The following RTN4 variants were observed in gnomAD, a reference collection of about 807,000 sequenced individuals.
RTN4 encodes the protein reticulon 4, also known as reticulon-4.
A neutral mutation model predicts 90.4 loss-of-function variants in RTN4; 32 were observed. The ratio of observed to expected loss-of-function variants is 0.35; its 90% CI spans 0.27 to 0.48. The LOEUF (loss-of-function observed/expected upper bound fraction) is 0.48, where lower values mean the gene tolerates loss of function less well. Ranked by LOEUF, RTN4 falls within the 20% of genes least tolerant of loss-of-function variation. The pLI is 0.99. For synonymous variants in RTN4, 629 were observed against 552.5 expected (o/e 1.14, Z -1.94); for missense variants, 1,706 against 1,430.2 (o/e 1.19, Z -3.11).
At chr2:55,043,867 C>A (rs986778196) in intron 1 of RTN4, among the ~76,000 whole-genome samples, 1 of 151,120 alleles carries the variant, frequency 6.6e-6, no homozygotes, top group African/African-American at 2.4e-5. Context: ...GCCTGGGCTA[C>A]AGAGCAAGAC....
At position 55,037,823 on chromosome 2, in the gene RTN4, A is replaced by C. The variant is rs187798930; in HGVS notation, c.557-9603T>G. On this transcript the variant is annotated intron_variant, in intron 1 of 8. Coordinates refer to ENST00000337526, the MANE Select transcript of RTN4 (RefSeq NM_020532.5). ...TTCTGAAATTTATGCAGAAATACTA[A>C]GGGACCTAGAAGACACAAAACAATT... is the stretch of plus-strand genomic sequence containing the variant. Among the ~76,000 whole-genome samples, 1,437 of 152,336 alleles carry C rather than the reference A, an allele frequency of 9.4e-3. 16 individuals are homozygous for C. Among genetic ancestry groups the C allele is most frequent in the African/African-American group, 0.032 (1,348 of 41,560 alleles).
intron 1 of RTN4, among the ~76,000 whole-genome samples, chr2:55,038,055 C>G (rs184317871): frequency 1.3e-5 from 2 of 152,162 alleles, no homozygotes; most frequent in Non-Finnish European, 2.9e-5. Context: ...AAAAACTCTG[C>G]TGGGAAAACT....
At chr2:55,048,260 A>T (rs1410503581) in intron 1 of RTN4, among the ~76,000 whole-genome samples, 4 of 152,240 alleles carry the variant, frequency 2.6e-5, no homozygotes, top group Admixed American at 2.6e-4. Context: ...TAGTGAGTGA[A>T]TGTGAAGGCC....
chr2:55,024,972 A>T lies in RTN4; in HGVS notation c.3013+114T>A, dbSNP rs142483465. On this transcript the variant is annotated intron_variant, in intron 3 of 8. Coordinates refer to ENST00000337526, the MANE Select transcript of RTN4 (RefSeq NM_020532.5). ...ACTGAAAAAGTGGAGAAGACTTCTT[A>T]CCAATGTGACATATGAGACACTATA... 2.2e-4 allele frequency: 287 copies of T among 1,275,640 alleles called. 1 individual carries two copies. The African/African-American group carries it at 4.0e-3, about 18-fold the overall frequency. The allele number at this position is 1,275,640 out of a possible 1,614,324, so 79.0% of individuals were successfully genotyped here.
chr2:55,030,705 T>C (rs1682240590), intron 1 of RTN4, among the ~76,000 whole-genome samples: 1 of 152,158 alleles, frequency 6.6e-6, no homozygotes, highest in South Asian at 2.1e-4. Context: ...TTCCCAAGTC[T>C]TTGTGCTTTA....
chr2:55,023,530 G>A lies in RTN4; in HGVS notation c.3013+1556C>T, dbSNP rs768160155. ...CACTCACTACAATCAAAGCTCTATC[G>A]TTCCTTCTCTCTAACACTAATTCTT... On this transcript the variant is annotated intron_variant, in intron 3 of 8. Coordinates refer to ENST00000337526, the MANE Select transcript of RTN4 (RefSeq NM_020532.5). Among the ~76,000 whole-genome samples the A allele has an allele frequency of 1.7e-4, 26 of 151,630 alleles. 1 individual carries two copies. Among genetic ancestry groups the A allele is most frequent in the African/African-American group, 4.4e-4 (18 of 41,288 alleles).
At chr2:55,038,638 C>T (rs1323882634) in intron 1 of RTN4, among the ~76,000 whole-genome samples, 10 of 152,148 alleles carry the variant, frequency 6.6e-5, no homozygotes, top group Admixed American at 2.6e-4. Flanking sequence ...TTGGTGAAAA[C>T]GTAAAGCCAC....
intron 1 of RTN4, among the ~76,000 whole-genome samples, chr2:55,090,931 G>A (rs1296119182): frequency 1.3e-5 from 2 of 152,114 alleles, no homozygotes; most frequent in East Asian, 3.8e-4. Context: ...GAGATCAGCA[G>A]GCCTTGTCAG....
At chr2:55,088,697 G>A (rs1017218040) in intron 1 of RTN4, among the ~76,000 whole-genome samples, 3 of 152,146 alleles carry the variant, frequency 2.0e-5, no homozygotes, top group Non-Finnish European at 1.5e-5. Flanking sequence ...AAATGATGAC[G>A]GGGAGTTAGT....
intron 1 of RTN4, among the ~76,000 whole-genome samples, chr2:55,108,963 T>G (rs1667990543): frequency 6.6e-6 from 1 of 152,062 alleles, no homozygotes; most frequent in Non-Finnish European, 1.5e-5. Context: ...GGCCAGCAGC[T>G]TTTTCAGGTC....
Position 55,027,048 on chromosome 2 carries a change from T to C in RTN4, c.1051A>G (p.Thr351Ala). Residue 351 changes from threonine (T) to alanine (A), a missense_variant, in exon 3 of 9, where the codon ACT becomes GCT. Thr to Ala is a moderately conservative substitution (Grantham distance 58). Coordinates refer to ENST00000337526, the MANE Select transcript of RTN4 (RefSeq NM_020532.5). ...ACTTCATCCTCTTTAACCAATTTAG[T>C]AAGAGCTGTAGGTAACTCTTGTTGA... ...HNQQELPTAL[T>A]KLVKEDEVVS... 1 of 1,613,534 alleles carries C rather than the reference T, an allele frequency of 6.2e-7. No homozygotes were observed. The highest frequency in any genetic ancestry group is 1.3e-5 in the African/African-American group (1 of 75,040).
the RTN4 span, among the ~76,000 whole-genome samples, chr2:55,134,339 C>T: frequency 3.7e-3 from 564 of 152,274 alleles, 3 homozygotes; most frequent in Middle Eastern, 0.014. Flanking sequence ...CCCCACTCCT[C>T]CTGACCTCTT....
At chr2:55,114,325 G>A (rs1573526255), upstream of RTN4, among the ~76,000 whole-genome samples, 1 of 152,326 alleles carries the variant, frequency 6.6e-6, no homozygotes, top group East Asian at 1.9e-4. Context: ...CAGCAAAGGA[G>A]AAACTCACTT....
chr2:55,020,644 C>A (rs764820338), intron 3 of RTN4, among the ~76,000 whole-genome samples: 17 of 152,160 alleles, frequency 1.1e-4, no homozygotes, highest in Admixed American at 5.9e-4. Context: ...ATACCTTATT[C>A]ATCTCTCTTG....
chr2:55,119,941 G>T, the RTN4 span, among the ~76,000 whole-genome samples: 1 of 152,186 alleles, frequency 6.6e-6, no homozygotes, highest in African/African-American at 2.4e-5. Flanking sequence ...GATGCAGGAG[G>T]GTGAAGATGG....
At chr2:55,096,907 G>C (rs1180673398) in intron 1 of RTN4, among the ~76,000 whole-genome samples, 3 of 151,960 alleles carry the variant, frequency 2.0e-5, no homozygotes. Flanking sequence ...TGGAGTGACA[G>C]TCATTGTAAA....
chr2:54,988,513 T>G (rs1383473261), intron 3 of RTN4, among the ~76,000 whole-genome samples: 2 of 152,204 alleles, frequency 1.3e-5, no homozygotes, highest in Non-Finnish European at 2.9e-5. Context: ...GAATGAGCTT[T>G]TTTTCTTATT....
intron 3 of RTN4, among the ~76,000 whole-genome samples, chr2:55,006,656 T>C (rs1680248599): frequency 6.6e-6 from 1 of 152,172 alleles, no homozygotes; most frequent in Admixed American, 6.6e-5. Context: ...TCTGGCACAT[T>C]AACTGACAAA....
chr2:55,122,253 A>G, the RTN4 span, among the ~76,000 whole-genome samples: 6 of 152,334 alleles, frequency 3.9e-5, no homozygotes, highest in African/African-American at 1.4e-4. Context: ...TGCTGGGATT[A>G]TAGGCATGAG....
Sources: allele counts gnomAD v4.1 joint callset (sites outside exome capture counted in the v4.1 genomes callset), GRCh38; gene constraint gnomAD v4.1.1; transcripts MANE v1.5; gene names NCBI Gene and HGNC (gene_info 2026-07-23, HGNC 2026-07-21).